Variants in LLGL1 observed in about 807,000 individuals in gnomAD.
The protein encoded by LLGL1 is lethal(2) giant larvae protein homolog 1.
Under a neutral mutation model 110.6 loss-of-function variants are expected in LLGL1, and 58 were observed. The ratio of observed to expected loss-of-function variants is 0.52; its 90% CI spans 0.42 to 0.65. The LOEUF (loss-of-function observed/expected upper bound fraction) is 0.65. Ranked by LOEUF, LLGL1 falls within the 30% of genes least tolerant of loss-of-function variation. The pLI is 0.00. For synonymous variants in LLGL1, 674 were observed against 607.2 expected, an observed-to-expected ratio of 1.11 and a Z score of -1.62; for missense variants, 1,229 against 1,462.1, an observed-to-expected ratio of 0.84 and a Z score of 2.60.
chr17:18,234,508 C>T, intron 7 of LLGL1, 100 bp downstream of exon 7: 1 of 1,579,364 alleles, frequency 6.3e-7, no homozygotes, highest in Non-Finnish European at 8.6e-7. Context: ...AGGGGGTGGT[C>T]TGGGGGCAGT....
chr17:18,234,121 G>A lies in LLGL1; in HGVS notation c.660G>A (p.Leu220=). Residue 220 remains leucine (L), a synonymous_variant, in exon 6 of 23, where the codon CTG becomes CTA. Transcript: ENST00000316843. ...TCATTGGCTACAGCCGGGGCCTGCT[G>A]GTCATCTGGAACCAGGCCTCGCAGT... The part of the protein sequence containing the change: ...KILIGYSRGL[L]VIWNQASQCV... The A allele has an allele frequency of 6.2e-7, 1 of 1,611,994 alleles. No individual in the cohort carries two copies. Among genetic ancestry groups the A allele is most frequent in the South Asian group, 1.1e-5 (1 of 90,850 alleles).
Position 18,241,462 on chromosome 17 carries a change from G to T in LLGL1, c.2514G>T (p.Leu838=). The T allele has an allele frequency of 6.2e-7, 1 of 1,612,802 alleles. No homozygotes were observed. Among genetic ancestry groups the T allele is most frequent in the Admixed American group, 1.7e-5 (1 of 59,970 alleles). The change falls in exon 18 of 23, where the codon CTG becomes CTT. Residue 838 remains leucine (L), a synonymous_variant. Transcript: ENST00000316843. ...CCACCTGCTGTCAGGTGTTCACACT[G>T]CCCAAGGTGAGCGCGAAGACCAAGT... The part of the protein sequence containing the change: ...ASEEQFKVFT[L]PKVSAKTKFK...
In LLGL1 at chr17:18,240,815, A is replaced by G. The variant is rs2047813324; in HGVS notation, c.2444A>G (p.Gln815Arg). 7 of 1,576,866 alleles carry G rather than the reference A, an allele frequency of 4.4e-6. No homozygotes were observed. Among genetic ancestry groups the G allele is most frequent in the African/African-American group, 1.3e-5 (1 of 74,102 alleles). Reference protein sequence around the residue: ...EPYEASRDLAQAPDMQGGHAV... With the variant: ...EPYEASRDLARAPDMQGGHAV... Reference sequence around the variant, plus strand: ...TACGAGGCCTCACGGGACCTGGCGCAGGCACCTGACATGCAGGGTGGTCAC... The same window carrying G: ...TACGAGGCCTCACGGGACCTGGCGCGGGCACCTGACATGCAGGGTGGTCAC... Residue 815 changes from glutamine to arginine, a missense_variant, in exon 17 of 23, where the codon CAG becomes CGG. Physicochemically the swap from Gln to Arg is conservative, Grantham distance 43. Transcript: ENST00000316843. The surrounding 1 kb of genome is among the most constrained non-coding windows in gnomAD (Gnocchi z 5.3).
In LLGL1 at chr17:18,237,705, C is replaced by G; in HGVS notation, c.1836C>G (p.Leu612=). The G allele has an allele frequency of 6.2e-7, 1 of 1,613,028 alleles. No homozygotes were observed. The highest frequency in any genetic ancestry group is 8.5e-7 in the Non-Finnish European group (1 of 1,179,972). The change falls in exon 14 of 23, where the codon CTC becomes CTG. Residue 612 remains leucine, a synonymous_variant. Transcript: ENST00000316843. ...TCACACTCCACACCGAGTGGAGCCTCGTGGCTTTTGGCACCAGTCATGGCT... is the reference window on the plus strand; with the variant it reads ...TCACACTCCACACCGAGTGGAGCCTGGTGGCTTTTGGCACCAGTCATGGCT... The part of the protein sequence containing the change: ...TAVTLHTEWS[L]VAFGTSHGFG...
chr17:18,232,399 C>G lies in LLGL1; in HGVS notation c.180-96C>G, dbSNP rs190640799. On this transcript the variant is annotated intron_variant, in intron 2 of 22. Coordinates refer to ENST00000316843, the MANE Select transcript of LLGL1 (RefSeq NM_004140.4). ...GGATGGTCAGGCCCATGCCGGGGCC[C>G]ACTGGAATAGTCCGGGTCAAGGAGG... The G allele has an allele frequency of 4.5e-6, 5 of 1,115,902 alleles. No individual in the cohort carries two copies. In the East Asian group the frequency reaches 1.3e-4, roughly 29 times the overall value. 69.1% of individuals were successfully genotyped at this position (1,115,902 alleles called of 1,614,324 possible).
chr17:18,236,751 C>G lies in LLGL1; in HGVS notation c.1497C>G (p.Pro499=). The G allele has an allele frequency of 3.1e-6, 5 of 1,612,748 alleles. No individual in the cohort carries two copies. Among genetic ancestry groups the G allele is most frequent in the Non-Finnish European group, 4.2e-6 (5 of 1,179,960 alleles). ...AGGCTGCCGAGGACGACTGGCCACCCTTCCGCAAGGTGGGCCCCTCCCCTG... is the reference window on the plus strand; with the variant it reads ...AGGCTGCCGAGGACGACTGGCCACCGTTCCGCAAGGTGGGCCCCTCCCCTG... ...LAQAAEDDWP[P]FRKVGCFDPY... Residue 499 remains proline, a synonymous_variant, in exon 12 of 23, where the codon CCC becomes CCG. Coordinates refer to ENST00000316843, the MANE Select transcript of LLGL1 (RefSeq NM_004140.4).
intron 20 of LLGL1, 102 bp from the exon 21 acceptor site, chr17:18,242,406 C>T: frequency 1.3e-6 from 2 of 1,559,756 alleles, no homozygotes; most frequent in Non-Finnish European, 1.8e-6. Flanking sequence ...CTCACTGGTG[C>T]CACCCCTCAC....
In LLGL1 at chr17:18,244,481, G is replaced by C. The variant is rs959113165; in HGVS notation, c.*575G>C. On this transcript the variant is annotated 3_prime_UTR_variant, in exon 23 of 23. Transcript: ENST00000316843. The stretch of plus-strand genomic sequence containing the variant: ...GATGGTCTCGATCTCCTGACCTCGT[G>C]ATCCACCCACCTCAGCCTCCCAAAG... 6.6e-6 allele frequency: 1 copy of C among 151,838 alleles called. No homozygotes were observed. Among genetic ancestry groups the C allele is most frequent in the East Asian group, 1.9e-4 (1 of 5,156 alleles). The allele number at this position is 151,838 out of a possible 1,614,324, so 9.4% of individuals were successfully genotyped here.
intron 1 of LLGL1, among the ~76,000 whole-genome samples, chr17:18,227,314 T>A (rs569489647): frequency 6.6e-6 from 1 of 151,882 alleles, no homozygotes; most frequent in Non-Finnish European, 1.5e-5. Flanking sequence ...CTATTTTCTG[T>A]GCCGGGGAGG....
intron 16 of LLGL1, 73 bp downstream of exon 16, chr17:18,238,682 G>C: frequency 6.8e-7 from 1 of 1,468,684 alleles, no homozygotes; most frequent in Admixed American, 1.8e-5. Context: ...CTGGGAGATG[G>C]GTGGTGGCAA....
In LLGL1 at chr17:18,232,505, C is replaced by T. The variant is rs918284262; in HGVS notation, c.190C>T (p.Pro64Ser). Residue 64 changes from proline (P) to serine (S), a missense_variant, in exon 3 of 23, where the codon CCT becomes TCT. Pro to Ser is a moderately conservative substitution (Grantham distance 74). Transcript: ENST00000316843. Reference sequence around the variant, plus strand: ...ACCTGCCACCCTCAGCTATGGTGCACCTGGCGTGGAGTTCACAGGCCTGCA... The same window carrying T: ...ACCTGCCACCCTCAGCTATGGTGCATCTGGCGTGGAGTTCACAGGCCTGCA... ...RSGAVKIYGAPGVEFTGLHRD... is the reference protein window; with the variant it reads ...RSGAVKIYGASGVEFTGLHRD... 3 of 1,613,722 alleles carry T rather than the reference C, an allele frequency of 1.9e-6. No individual in the cohort carries two copies. Among genetic ancestry groups the T allele is most frequent in the Admixed American group, 1.7e-5 (1 of 59,988 alleles).
chr17:18,237,170 A>T (rs995456065), intron 13 of LLGL1: 2 of 597,628 alleles, frequency 3.3e-6, no homozygotes, highest in Admixed American at 5.9e-5. Context: ...TCCGGCACTC[A>T]CATGACATAC....
chr17:18,237,038 C>A, intron 13 of LLGL1, 99 bp downstream of exon 13: 1 of 1,072,326 alleles, frequency 9.3e-7, no homozygotes, highest in Non-Finnish European at 1.4e-6. Context: ...CTGGCACAGG[C>A]AAAAGCCAAG....
At chr17:18,236,391 C>T in intron 11 of LLGL1, 1 of 555,732 alleles carries the variant, frequency 1.8e-6, no homozygotes, top group South Asian at 2.5e-5. Context: ...TTAAAGGCTC[C>T]AGGTGCATAT....
intron 16 of LLGL1, among the ~76,000 whole-genome samples, chr17:18,238,867 C>T (rs1301573734): frequency 6.6e-6 from 1 of 152,132 alleles, no homozygotes; most frequent in East Asian, 1.9e-4. Context: ...AAAAATTAGC[C>T]AGGTGTGGTG....
intron 13 of LLGL1, 98 bp from the exon 14 acceptor site, chr17:18,237,383 G>T: frequency 8.3e-7 from 1 of 1,209,898 alleles, no homozygotes; most frequent in Non-Finnish European, 1.1e-6. Flanking sequence ...GAACCACCTT[G>T]GTGGTGGCTG....
At chr17:18,238,331 C>T (rs1734106315) in intron 15 of LLGL1, 117 bp downstream of exon 15, 3 of 1,570,788 alleles carry the variant, frequency 1.9e-6, no homozygotes, top group East Asian at 2.2e-5. Flanking sequence ...AGCCCCTGGG[C>T]CCTCCAGAGG....
rs1243169681 is a variant in LLGL1 at position 18,232,576 on chromosome 17, G to A, written c.261G>A (p.Gln87=). ...TVTQMHFLTG[Q]GRLLSLLDDS... is the part of the protein sequence containing the mutation. ...CACAGATGCACTTCTTGACCGGCCA[G>A]GTGAGCCTCTGCTTCCCACTAGCCA... Residue 87 remains glutamine, a splice_region_variant and synonymous_variant, in exon 3 of 23, where the codon CAG becomes CAA. Coordinates refer to ENST00000316843, the MANE Select transcript of LLGL1 (RefSeq NM_004140.4). 6.2e-7 allele frequency: 1 copy of A among 1,614,124 alleles called. No homozygotes were observed. The highest frequency in any genetic ancestry group is 1.3e-5 in the African/African-American group (1 of 75,064).
At position 18,244,059 on chromosome 17, in the gene LLGL1, C is replaced by T. The variant is rs1567698953; in HGVS notation, c.*153C>T. 6.6e-6 allele frequency: 1 copy of T among 152,360 alleles called. No homozygotes were observed. The allele number at this position is 152,360 out of a possible 1,614,324, so 9.4% of individuals were successfully genotyped here. A position where few individuals can be genotyped will look rare whatever the true frequency, so the allele number is the denominator to read the frequency against. ...GTCCTGTCCCGCCTGACCCTGGGCC[C>T]TGGAGCAGCACCAGCCCCAGGGTGT... On this transcript the variant is annotated 3_prime_UTR_variant, in exon 23 of 23. Transcript: ENST00000316843.
Sources: allele counts gnomAD v4.1 joint callset (sites outside exome capture counted in the v4.1 genomes callset), GRCh38; gene constraint gnomAD v4.1.1; non-coding constraint Gnocchi (gnomAD v3.1); transcripts MANE v1.5; gene names NCBI Gene and HGNC (gene_info 2026-07-23, HGNC 2026-07-21).